Variants in PLAGL1 observed in about 807,000 individuals in gnomAD.
The protein encoded by PLAGL1 is zinc finger protein PLAGL1.
PLAGL1 carries 1 observed loss-of-function variant against 4.6 expected under a neutral mutation model. The ratio of observed to expected loss-of-function variants is 0.22; its 90% confidence interval spans 0.08 to 1.03. PLAGL1 has a LOEUF of 1.03. Ranked by LOEUF, PLAGL1 falls within the 50% of genes least tolerant of loss-of-function variation. PLAGL1 has a pLI of 0.58. For synonymous variants in PLAGL1, 240 were observed against 237.8 expected (o/e 1.01, Z -0.08); for missense variants, 464 against 570.4 (o/e 0.81, Z 1.90).
intron 1 of PLAGL1, among the ~76,000 whole-genome samples, chr6:144,020,579 C>T (rs1795896090): frequency 6.6e-6 from 1 of 151,870 alleles, no homozygotes; most frequent in East Asian, 1.9e-4. Context: ...AGCCACCACG[C>T]CCGGCCCTTT....
intron 6 of PLAGL1, among the ~76,000 whole-genome samples, chr6:143,956,381 C>T (rs1408708029): frequency 6.6e-6 from 1 of 152,176 alleles, no homozygotes; most frequent in African/African-American, 2.4e-5. Flanking sequence ...CAGAAGCAGC[C>T]TTCTGCCTCA....
At chr6:144,058,916 G>A (rs1404983317) in intron 1 of PLAGL1, among the ~76,000 whole-genome samples, 1 of 152,134 alleles carries the variant, frequency 6.6e-6, no homozygotes, top group East Asian at 1.9e-4. Flanking sequence ...AAGAGTGCAA[G>A]CTGCTGGTGG....
In PLAGL1 at chr6:143,942,171, GCT is replaced by G; in HGVS notation, c.643_644del (p.Ser215LeufsTer40). ...TGCTCAGAAGGTCTCCGGTCTGCAA[GCT>G]CTCTTTCATCAGCTCCTGTGAGTGG... is the stretch of plus-strand genomic sequence containing the variant. ...KTHSQELMKE[S>X]LQTGDLLSTF... On this transcript the variant is annotated frameshift_variant, in exon 8 of 8. Coordinates refer to ENST00000674357, the MANE Select transcript of PLAGL1 (RefSeq NM_001317162.2). LOFTEE classifies it low-confidence loss of function (END_TRUNC). The surrounding 1 kb of genome is among the most constrained non-coding windows in gnomAD (Gnocchi z 7.6). 2.5e-6 allele frequency: 4 copies of G among 1,614,204 alleles called. No homozygotes were observed. Among genetic ancestry groups the G allele is most frequent in the Non-Finnish European group, 3.4e-6 (4 of 1,180,034 alleles).
chr6:144,002,883 C>CTTTTTTTTTTTTT (rs34276412), intron 1 of PLAGL1, among the ~76,000 whole-genome samples: 1 of 144,038 alleles, frequency 6.9e-6, no homozygotes. Context: ...TTCTGGTAGG[C>CTTTTTTTTTTTTT]TTTTTTTTTT....
intron 1 of PLAGL1, among the ~76,000 whole-genome samples, chr6:143,996,067 T>C (rs1791548440): frequency 6.6e-6 from 1 of 152,188 alleles, no homozygotes; most frequent in South Asian, 2.1e-4. Flanking sequence ...CTGAGCCACA[T>C]CGTGCTTTAA....
rs1390485834 is a variant in PLAGL1, at chr6:144,039,347, G to A, written c.-151+25121C>T. On this transcript the variant is annotated intron_variant, in intron 1 of 3. Coordinates refer to the PLAGL1 transcript ENST00000437412. This position sits in a 1 kb window ranked among gnomAD's most constrained non-coding sequence, Gnocchi z 4.1. ...CACCTGTAATCTCAACACTTTGGGA[G>A]GCAGAAGTGGGTGGATCATTAGAGG... 3.3e-5 allele frequency among the ~76,000 whole-genome samples: 5 copies of A among 152,198 alleles called. No individual in the cohort carries two copies. The highest frequency in any genetic ancestry group is 1.2e-4 in the African/African-American group (5 of 41,446).
intron 1 of PLAGL1, among the ~76,000 whole-genome samples, chr6:144,058,465 C>T (rs1799152736): frequency 6.6e-6 from 1 of 152,192 alleles, no homozygotes; most frequent in Non-Finnish European, 1.5e-5. Context: ...AATCTCATGT[C>T]CTTCTCACAT....
In PLAGL1 at chr6:143,942,525, C is replaced by G. The variant is rs1228413964; in HGVS notation, c.291G>C (p.Gly97=). 1 of 1,614,122 alleles carries G rather than the reference C, an allele frequency of 6.2e-7. No individual in the cohort carries two copies. The highest frequency in any genetic ancestry group is 8.5e-7 in the Non-Finnish European group (1 of 1,180,020). Residue 97 remains glycine, a synonymous_variant, in exon 8 of 8, where the codon GGG becomes GGC. Coordinates refer to ENST00000674357, the MANE Select transcript of PLAGL1 (RefSeq NM_001317162.2). The surrounding 1 kb of genome is among the most constrained non-coding windows in gnomAD (Gnocchi z 7.6). Reference sequence around the variant, plus strand: ...AGCCCAGCATGGTGTTGTACTTCTTCCCACACTCCTCACACCCAAAGGCCA... The same window carrying G: ...AGCCCAGCATGGTGTTGTACTTCTTGCCACACTCCTCACACCCAAAGGCCA... The part of the protein sequence containing the change: ...NKMAFGCEEC[G]KKYNTMLGYK...
In PLAGL1 at chr6:144,036,684, C is replaced by G. The variant is rs551036224; in HGVS notation, c.-151+27784G>C. 7.6e-6 allele frequency: 2 copies of G among 261,768 alleles called. No individual in the cohort carries two copies. Among genetic ancestry groups the G allele is most frequent in the South Asian group, 7.5e-5 (2 of 26,516 alleles). The allele number at this position is 261,768 out of a possible 1,614,324, so 16.2% of individuals were successfully genotyped here. A position where few individuals can be genotyped will look rare whatever the true frequency, so the allele number is the denominator to read the frequency against. The stretch of plus-strand genomic sequence containing the variant: ...TTTAACTTGTGAGGCTTCTTCACTA[C>G]TCAGGGACGAAAGAAAGAGGAAAGA... On this transcript the variant is annotated intron_variant, in intron 1 of 3. Transcript: ENST00000437412. The surrounding 1 kb of genome is among the most constrained non-coding windows in gnomAD (Gnocchi z 5.1).
intron 1 of PLAGL1, among the ~76,000 whole-genome samples, chr6:144,028,234 A>G (rs1562588489): frequency 6.6e-6 from 1 of 152,238 alleles, no homozygotes; most frequent in East Asian, 1.9e-4. Flanking sequence ...TCCAAAGTAT[A>G]TTAGTATAAA....
chr6:144,053,362 T>C lies in PLAGL1; in HGVS notation c.-151+11106A>G, dbSNP rs1018283021. Among the ~76,000 whole-genome samples the C allele has an allele frequency of 6.6e-6, 1 of 152,200 alleles. No individual in the cohort carries two copies. Among genetic ancestry groups the C allele is most frequent in the African/African-American group, 2.4e-5 (1 of 41,444 alleles). On this transcript the variant is annotated intron_variant, in intron 1 of 3. Coordinates refer to the PLAGL1 transcript ENST00000437412. The surrounding 1 kb of genome is among the most constrained non-coding windows in gnomAD (Gnocchi z 4.0). ...GTTAGCCAGGCTGGTCTGAAACTCC[T>C]GACCTCAGGTGATCAGCCACGATGG...
intron 1 of PLAGL1, among the ~76,000 whole-genome samples, chr6:144,031,603 G>T (rs1221244474): frequency 1.3e-5 from 2 of 152,188 alleles, no homozygotes; most frequent in Non-Finnish European, 2.9e-5. Context: ...TTGTTGAATA[G>T]GGTGTCCTTT....
In PLAGL1 at chr6:143,989,928, A is replaced by C. The variant is rs527332465; in HGVS notation, c.-583-4754T>G. Among the ~76,000 whole-genome samples the C allele has an allele frequency of 2.6e-5, 4 of 152,272 alleles. No individual in the cohort carries two copies. The South Asian group carries it at 8.3e-4, about 32-fold the overall frequency. ...ACTTAATGCTTCTGTGAGAAAACAA[A>C]AGCTGTTGGATAGGGCATCTCTGCC... On this transcript the variant is annotated intron_variant, in intron 1 of 7. Coordinates refer to ENST00000674357, the MANE Select transcript of PLAGL1 (RefSeq NM_001317162.2). The surrounding 1 kb of genome is among the most constrained non-coding windows in gnomAD (Gnocchi z 4.8).
At chr6:143,976,281 T>C (rs1408080206) in intron 2 of PLAGL1, among the ~76,000 whole-genome samples, 1 of 104,128 alleles carries the variant, frequency 9.6e-6, no homozygotes, top group Non-Finnish European at 2.1e-5. Flanking sequence ...CTGAGATTTC[T>C]TTTCTTTTTT....
At chr6:143,993,239 G>A (rs369129677) in intron 1 of PLAGL1, among the ~76,000 whole-genome samples, 4 of 151,756 alleles carry the variant, frequency 2.6e-5, no homozygotes, top group African/African-American at 4.8e-5. Context: ...GGGAGGCAGA[G>A]TTTGCAGTGA....
In PLAGL1 at chr6:143,971,135, G is replaced by A. The variant is rs1408333965; in HGVS notation, c.-543-2157C>T. Among the ~76,000 whole-genome samples, 1 of 151,678 alleles carries A rather than the reference G, an allele frequency of 6.6e-6. No individual in the cohort carries two copies. The highest frequency in any genetic ancestry group is 2.4e-5 in the African/African-American group (1 of 41,268). ...TTCAAGTTAATACTTATGAGGGTGAGAGTCTACCAATGATCAAAGTCATGG... is the reference window on the plus strand; with the variant it reads ...TTCAAGTTAATACTTATGAGGGTGAAAGTCTACCAATGATCAAAGTCATGG... On this transcript the variant is annotated intron_variant, in intron 2 of 7. Transcript: ENST00000674357. The surrounding 1 kb of genome is among the most constrained non-coding windows in gnomAD (Gnocchi z 4.7).
chr6:144,024,022 C>T lies in PLAGL1; in HGVS notation c.-151+40446G>A, dbSNP rs115373676. ...GAACCCCTGGCCTCAAGCAATTGGC[C>T]CGCCTCACCCTCCCAAAGTGCTGAG... On this transcript the variant is annotated intron_variant, in intron 1 of 3. Transcript: ENST00000437412. Among the ~76,000 whole-genome samples the T allele has an allele frequency of 2.5e-3, 379 of 152,112 alleles. 4 individuals are homozygous for T. The highest frequency in any genetic ancestry group is 8.4e-3 in the African/African-American group (349 of 41,494).
intron 6 of PLAGL1, among the ~76,000 whole-genome samples, chr6:143,956,268 G>T (rs968171360): frequency 5.9e-5 from 9 of 152,146 alleles, no homozygotes; most frequent in Non-Finnish European, 8.8e-5. Flanking sequence ...TTTCTTTATG[G>T]CAGGCTGCAG....
rs1783929751 is a variant in PLAGL1 at position 143,964,078 on chromosome 6, C to A, written c.-399+709G>T. On this transcript the variant is annotated intron_variant, in intron 5 of 7. Transcript: ENST00000674357. The surrounding 1 kb of genome is among the most constrained non-coding windows in gnomAD (Gnocchi z 4.3). ...AATGACACTCTCCCTTCCATCCCCC[C>A]ATGGCCAACCCCCCATCCCAGGGCC... Among the ~76,000 whole-genome samples the A allele has an allele frequency of 6.6e-6, 1 of 152,068 alleles. No individual in the cohort carries two copies. The highest frequency in any genetic ancestry group is 2.1e-4 in the South Asian group (1 of 4,810).
Sources: allele counts gnomAD v4.1 joint callset (sites outside exome capture counted in the v4.1 genomes callset), GRCh38; gene constraint gnomAD v4.1.1; non-coding constraint Gnocchi (gnomAD v3.1); transcripts MANE v1.5; gene names NCBI Gene and HGNC (gene_info 2026-07-23, HGNC 2026-07-21).